Variants in ANK3 observed in about 807,000 individuals in gnomAD.
The protein encoded by ANK3 is ankyrin-3.
In ANK3, 57 loss-of-function variants were observed where a neutral mutation model predicts 370.9. The ratio of observed to expected loss-of-function variants is 0.15; its 90% CI spans 0.12 to 0.19. ANK3 has a LOEUF of 0.19. Ranked by LOEUF, ANK3 falls within the 10% of genes least tolerant of loss-of-function variation. The pLI is 1.00. For missense variants in ANK3, 4,439 were observed against 5,302.1 expected (o/e 0.84, Z 5.06); for synonymous variants, 1,929 against 1,946.3 (o/e 0.99, Z 0.23).
chr10:60,460,696 A>G (rs2064861942), intron 2 of ANK3, among the ~76,000 whole-genome samples: 1 of 152,156 alleles, frequency 6.6e-6, no homozygotes, highest in African/African-American at 2.4e-5. Context: ...AAAAAATTGT[A>G]CCTCAGAGTT....
chr10:60,610,214 G>A (rs559798445), intron 2 of ANK3, among the ~76,000 whole-genome samples: 1 of 152,166 alleles, frequency 6.6e-6, no homozygotes, highest in South Asian at 2.1e-4. Flanking sequence ...TCAAAGAAAG[G>A]CAAGGAGGGC....
intron 23 of ANK3, among the ~76,000 whole-genome samples, chr10:60,163,159 A>C (rs2095540503): frequency 6.6e-6 from 1 of 151,794 alleles, no homozygotes; most frequent in African/African-American, 2.4e-5. Context: ...ACACTCTTTC[A>C]TATTTTCAAT....
chr10:60,192,636 T>A (rs904337973), intron 16 of ANK3, among the ~76,000 whole-genome samples: 3 of 152,146 alleles, frequency 2.0e-5, no homozygotes, highest in African/African-American at 7.2e-5. Flanking sequence ...AAGCGAGAGC[T>A]AAATGTGTGC....
intron 27 of ANK3, among the ~76,000 whole-genome samples, chr10:60,107,807 T>C (rs1315579031): frequency 6.6e-6 from 1 of 152,150 alleles, no homozygotes; most frequent in East Asian, 1.9e-4. Flanking sequence ...ATGTAATTGA[T>C]AGCAAATGTT....
At chr10:60,361,147 T>C (rs1178679474) in intron 1 of ANK3, among the ~76,000 whole-genome samples, 1 of 152,236 alleles carries the variant, frequency 6.6e-6, no homozygotes, top group African/African-American at 2.4e-5. Flanking sequence ...TTTTGAAATC[T>C]TTCTTCTGGG....
intron 1 of ANK3, among the ~76,000 whole-genome samples, chr10:60,650,108 G>A (rs1041964500): frequency 1.3e-5 from 2 of 152,236 alleles, no homozygotes; most frequent in African/African-American, 2.4e-5. Flanking sequence ...TGAGATCATC[G>A]AGTTATCTGT....
At chr10:60,036,722 C>T (rs1232619786) in intron 43 of ANK3, among the ~76,000 whole-genome samples, 1 of 152,074 alleles carries the variant, frequency 6.6e-6, no homozygotes, top group African/African-American at 2.4e-5. Context: ...AGGCGTGAGC[C>T]ACTGCATCTG....
At chr10:60,187,354 A>C (rs1565550605) in intron 16 of ANK3, among the ~76,000 whole-genome samples, 1 of 151,874 alleles carries the variant, frequency 6.6e-6, no homozygotes, top group Non-Finnish European at 1.5e-5. Context: ...ACGGGGTTTC[A>C]CGGTGTTAGC....
intron 8 of ANK3, among the ~76,000 whole-genome samples, chr10:60,232,781 G>T (rs1227169086): frequency 1.3e-5 from 2 of 152,176 alleles, no homozygotes; most frequent in Non-Finnish European, 2.9e-5. Context: ...GGCAGGGGAA[G>T]TGTTGTGGTG....
chr10:60,338,642 C>A (rs2053571677), intron 1 of ANK3, among the ~76,000 whole-genome samples: 2 of 152,200 alleles, frequency 1.3e-5, no homozygotes, highest in South Asian at 2.1e-4. Context: ...CTATTGCCTC[C>A]CCAATTCATC....
chr10:60,650,425 G>A (rs1266324951), intron 1 of ANK3, among the ~76,000 whole-genome samples: 1 of 151,376 alleles, frequency 6.6e-6, no homozygotes, highest in Non-Finnish European at 1.5e-5. Context: ...TGCTAGCTAG[G>A]TGCTGCTAAA....
intron 25 of ANK3, among the ~76,000 whole-genome samples, chr10:60,121,860 T>C (rs1432499789): frequency 6.6e-6 from 1 of 152,176 alleles, no homozygotes; most frequent in Non-Finnish European, 1.5e-5. Flanking sequence ...TGCCATGATG[T>C]GATTGTGCAC....
chr10:60,555,026 C>T (rs1010091464), intron 2 of ANK3, among the ~76,000 whole-genome samples: 3 of 151,632 alleles, frequency 2.0e-5, no homozygotes, highest in African/African-American at 7.3e-5. Flanking sequence ...AACCAGAGTA[C>T]AAAATTCTTA....
chr10:60,335,845 G>A (rs1210925446), intron 1 of ANK3, among the ~76,000 whole-genome samples: 3 of 151,998 alleles, frequency 2.0e-5, no homozygotes, highest in East Asian at 3.9e-4. Context: ...TACCAATGAG[G>A]CAAACAAAGC....
At position 60,291,050 on chromosome 10, in the gene ANK3, C is replaced by A. The variant is rs552956259; in HGVS notation, c.115-11411G>T. ...CTCAGAATTCAGACCCCTAAAAATT[C>A]TCTTGGAGACTGATTAGCAACAAAA... On this transcript the variant is annotated intron_variant, in intron 1 of 43. Transcript: ENST00000280772. Among the ~76,000 whole-genome samples, 26 of 152,082 alleles carry A rather than the reference C, an allele frequency of 1.7e-4. No homozygotes were observed. In the East Asian group the frequency reaches 2.7e-3, roughly 16 times the overall value.
At chr10:60,562,982 T>A (rs1435641382) in intron 2 of ANK3, among the ~76,000 whole-genome samples, 1 of 152,134 alleles carries the variant, frequency 6.6e-6, no homozygotes, top group African/African-American at 2.4e-5. Flanking sequence ...ATATCCTTTC[T>A]TTCAGAAAAT....
chr10:60,733,440 A>G, exon 1 of ANK3: 2 of 908,772 alleles, frequency 2.2e-6, no homozygotes, highest in Non-Finnish European at 2.9e-6. Context: ...CAGGAACACC[A>G]AGCGCGGCCC....
chr10:60,106,055 C>T lies in ANK3; in HGVS notation c.3178G>A (p.Val1060Ile), dbSNP rs762630305. Reference sequence around the variant, plus strand: ...CCAAAGTGAGGGATTTCCACTATGACAGGGCTGGAAAAAAAATCCACATTA... The same window carrying T: ...CCAAAGTGAGGGATTTCCACTATGATAGGGCTGGAAAAAAAATCCACATTA... ...GPAGAQFLGP[V>I]IVEIPHFGSM... The change falls in exon 28 of 44, where the codon GTC becomes ATC. Residue 1060 changes from valine to isoleucine, a missense_variant. Around this residue, in one of 13 missense-constraint regions of ANK3, gnomAD observed 702 missense variants for 941.5 expected, o/e 0.75. Transcript: ENST00000280772. 3.8e-5 allele frequency: 61 copies of T among 1,600,874 alleles called. No homozygotes were observed. The highest frequency in any genetic ancestry group is 2.7e-5 in the Non-Finnish European group (32 of 1,175,782).
At chr10:60,718,164 A>G (rs538000549) in intron 1 of ANK3, among the ~76,000 whole-genome samples, 2 of 152,336 alleles carry the variant, frequency 1.3e-5, no homozygotes, top group East Asian at 3.9e-4. Context: ...GTTTGTTTAC[A>G]TACTAAGTTA....
Sources: allele counts gnomAD v4.1 joint callset (sites outside exome capture counted in the v4.1 genomes callset), GRCh38; gene constraint gnomAD v4.1.1; regional missense constraint gnomAD v4.1.1; transcripts MANE v1.5; gene names NCBI Gene and HGNC (gene_info 2026-07-23, HGNC 2026-07-21).